The following PDPR variants were observed in gnomAD, a reference collection of about 807,000 sequenced individuals.
PDPR encodes the protein pyruvate dehydrogenase phosphatase regulatory subunit, mitochondrial.
PDPR carries 50 observed loss-of-function variants against 102.2 expected under a neutral mutation model. That is an observed-to-expected ratio of 0.49 (90% CI 0.39 to 0.62). The LOEUF is 0.62. PDPR is among the 20% of genes least tolerant of loss of function. PDPR has a pLI of 0.00. For missense variants in PDPR, 625 were observed against 1,098.2 expected (o/e 0.57, Z 6.09); for synonymous variants, 259 against 406.0 (o/e 0.64, Z 4.35).
intron 2 of PDPR, among the ~76,000 whole-genome samples, chr16:70,119,607 T>C (rs1963012139): frequency 6.7e-6 from 1 of 149,094 alleles, no homozygotes; most frequent in Non-Finnish European, 1.5e-5. Flanking sequence ...CATGCTCGTC[T>C]CAGTGTCTGC....
At chr16:70,153,275 T>G in intron 17 of PDPR, 116 bp from the exon 18 acceptor site, 1 of 1,180,748 alleles carries the variant, frequency 8.5e-7, no homozygotes, top group Non-Finnish European at 1.2e-6. Flanking sequence ...TCCTGGGAGT[T>G]TTATACGCCT....
At chr16:70,149,855 A>G (rs1208561633) in intron 17 of PDPR, among the ~76,000 whole-genome samples, 3 of 152,322 alleles carry the variant, frequency 2.0e-5, no homozygotes, top group East Asian at 1.9e-4. Context: ...CAGTGGCGCA[A>G]TCTCGGCTCA....
rs941487673 is a variant in PDPR at position 70,130,732 on chromosome 16, C to T, written c.729+188C>T. Among the ~76,000 whole-genome samples, 6 of 152,290 alleles carry T rather than the reference C, an allele frequency of 3.9e-5. No homozygotes were observed. The South Asian group carries it at 8.3e-4, about 21-fold the overall frequency. ...TAGAAGCCTGTGTGACCTTGTCCTT[C>T]CTCCACACTGGGTTGATGGGTGCTA... is the stretch of plus-strand genomic sequence containing the variant. On this transcript the variant is annotated intron_variant, in intron 7 of 18. Transcript: ENST00000288050.
rs1461051381 is a variant in PDPR, at chr16:70,132,846, C to T, written c.997+546C>T. Among the ~76,000 whole-genome samples, 5 of 152,336 alleles carry T rather than the reference C, an allele frequency of 3.3e-5. No homozygotes were observed. In the East Asian group the frequency reaches 7.7e-4, roughly 24 times the overall value. ...GTGTGTGTGTGAGATGGCGTCTTGC[C>T]CTGTCACCTAGGCTGGAGTGCAGTG... On this transcript the variant is annotated intron_variant, in intron 9 of 18. Transcript: ENST00000288050.
chr16:70,162,921 T>A (rs566475777), downstream of PDPR, among the ~76,000 whole-genome samples: 3 of 152,374 alleles, frequency 2.0e-5, no homozygotes, highest in East Asian at 5.8e-4. Flanking sequence ...CCAGCTTCCA[T>A]CCACAAGTTG....
rs1331352109 is a variant in PDPR at position 70,151,080 on chromosome 16, A to G, written c.2053-2311A>G. On this transcript the variant is annotated intron_variant, in intron 17 of 18. Coordinates refer to ENST00000288050, the MANE Select transcript of PDPR (RefSeq NM_017990.5). The stretch of plus-strand genomic sequence containing the variant: ...CTCCTGAGTAGCTGGGACTACAGGC[A>G]CACGCCACCACACTCGGCTAATTTT... Among the ~76,000 whole-genome samples, 6 of 152,354 alleles carry G rather than the reference A, an allele frequency of 3.9e-5. No individual in the cohort carries two copies. The South Asian group carries it at 6.2e-4, about 16-fold the overall frequency.
chr16:70,131,447 C>G, intron 8 of PDPR, 28 bp downstream of exon 8: 1 of 1,457,352 alleles, frequency 6.9e-7, no homozygotes, highest in East Asian at 2.4e-5. Flanking sequence ...TTTAAAAAAT[C>G]TTGTTTCTTT....
At chr16:70,132,068 T>G (rs1191751657) in intron 8 of PDPR, 83 bp from the exon 9 acceptor site, 2 of 1,561,956 alleles carry the variant, frequency 1.3e-6, no homozygotes, top group African/African-American at 1.4e-5. Flanking sequence ...TGTTTGGTTG[T>G]TCTGTCCATT....
intron 3 of PDPR, among the ~76,000 whole-genome samples, chr16:70,123,868 C>G (rs1963626817): frequency 1.3e-5 from 2 of 152,306 alleles, no homozygotes; most frequent in Admixed American, 6.5e-5. Flanking sequence ...GCTTGGCCAA[C>G]ATGGTGAAAC....
intron 9 of PDPR, among the ~76,000 whole-genome samples, chr16:70,134,632 A>G (rs996280558): frequency 6.6e-6 from 1 of 151,658 alleles, no homozygotes; most frequent in Admixed American, 6.6e-5. Flanking sequence ...GTCTAAATAT[A>G]AAAATTAGCT....
At position 70,131,481 on chromosome 16, in the gene PDPR, G is replaced by C. The variant is rs554231693; in HGVS notation, c.847+62G>C. 25 of 1,446,446 alleles carry C rather than the reference G, an allele frequency of 1.7e-5. No homozygotes were observed. In the South Asian group the frequency reaches 3.1e-4, roughly 18 times the overall value. The allele number at this position is 1,446,446 out of a possible 1,614,324, so 89.6% of individuals were successfully genotyped here. On this transcript the variant is annotated intron_variant, in intron 8 of 18. Transcript: ENST00000288050. ...TTGCCAGTATCCTGTCCTCTGAAAA[G>C]GAAAACTTTCTGCTAAGGACAGCCT...
intron 17 of PDPR, among the ~76,000 whole-genome samples, chr16:70,151,511 G>A (rs972922224): frequency 2.6e-5 from 4 of 152,286 alleles, no homozygotes; most frequent in Non-Finnish European, 5.9e-5. Context: ...TTCAAGACTT[G>A]GGAAGAATTT....
chr16:70,136,864 T>C (rs1229381903), intron 10 of PDPR, among the ~76,000 whole-genome samples: 1 of 152,212 alleles, frequency 6.6e-6, no homozygotes, highest in Non-Finnish European at 1.5e-5. Context: ...TACCTCAGCC[T>C]CCCGAGTAGC....
At chr16:70,155,330 G>T (rs1174562337) in intron 18 of PDPR, among the ~76,000 whole-genome samples, 1 of 152,210 alleles carries the variant, frequency 6.6e-6, no homozygotes, top group Non-Finnish European at 1.5e-5. Context: ...TGTCCAGGCT[G>T]GAGTGCAGTG....
intron 11 of PDPR, among the ~76,000 whole-genome samples, 198 bp downstream of exon 11, chr16:70,139,221 C>G (rs1448182086): frequency 6.6e-6 from 1 of 152,252 alleles, no homozygotes; most frequent in African/African-American, 2.4e-5. Flanking sequence ...TTTAGTGCAT[C>G]GGACCTTGTT....
In PDPR at chr16:70,156,564, T is replaced by C. The variant is rs780551414; in HGVS notation, c.2325T>C (p.His775=). The change falls in exon 19 of 19, where the codon CAT becomes CAC. Residue 775 remains histidine, a synonymous_variant. Transcript: ENST00000288050. ...TCACCATGTTCATCCTGGACGACCA[T>C]GATTCAGACCTAGACCTTTGGCCTT... ...KRLTMFILDD[H]DSDLDLWPWW... 2 of 1,614,034 alleles carry C rather than the reference T, an allele frequency of 1.2e-6. No individual in the cohort carries two copies. The highest frequency in any genetic ancestry group is 8.5e-7 in the Non-Finnish European group (1 of 1,179,884).
At chr16:70,136,169 A>T in intron 9 of PDPR, 25 bp from the exon 10 acceptor site, 1 of 1,425,516 alleles carries the variant, frequency 7.0e-7, no homozygotes, top group Non-Finnish European at 9.8e-7. Flanking sequence ...TGAGAACTCT[A>T]TTTGGTTTTG....
intron 3 of PDPR, among the ~76,000 whole-genome samples, chr16:70,125,438 C>T (rs1323257203): frequency 1.1e-4 from 17 of 151,192 alleles, no homozygotes; most frequent in Admixed American, 1.1e-3. Flanking sequence ...CCTGTAATCC[C>T]TGCTACTCGG....
At chr16:70,118,583 G>A (rs1261193303) in intron 2 of PDPR, among the ~76,000 whole-genome samples, 1 of 152,232 alleles carries the variant, frequency 6.6e-6, no homozygotes, top group Non-Finnish European at 1.5e-5. Context: ...TTGCCATTGG[G>A]ACAGAGGGTA....
Sources: gnomAD v4.1 joint callset for allele counts (sites outside exome capture counted in the v4.1 genomes callset) on GRCh38, gnomAD v4.1.1 for gene constraint, MANE v1.5 for transcripts, NCBI Gene and HGNC (gene_info 2026-07-23, HGNC 2026-07-21) for gene names.